The following PIBF1 variants were observed in gnomAD, a reference collection of about 807,000 sequenced individuals.
PIBF1 encodes progesterone immunomodulatory binding factor 1.
A neutral mutation model predicts 112.5 loss-of-function variants in PIBF1; 90 were observed. The observed-to-expected ratio is 0.80, with a 90% CI of 0.67 to 0.95. The LOEUF is 0.95. Among genes scored for constraint, PIBF1 ranks in the 40% least tolerant of loss-of-function variants. PIBF1 has a pLI of 0.00. For missense variants in PIBF1, 915 were observed against 852.3 expected (o/e 1.07, Z -0.92); for synonymous variants, 301 against 288.6 (o/e 1.04, Z -0.44).
chr13:72,883,217 G>C (rs2039712939), intron 10 of PIBF1, among the ~76,000 whole-genome samples: 1 of 152,108 alleles, frequency 6.6e-6, no homozygotes, highest in African/African-American at 2.4e-5. Context: ...ATTATATTAA[G>C]TAAAATAAGC....
chr13:72,807,764 T>G (rs368438617), intron 5 of PIBF1, among the ~76,000 whole-genome samples: 7 of 152,326 alleles, frequency 4.6e-5, no homozygotes, highest in African/African-American at 1.7e-4. Context: ...TCAGCTTATA[T>G]TCCCAAAATT....
intron 13 of PIBF1, among the ~76,000 whole-genome samples, chr13:72,928,014 TAC>T (rs1219922230): frequency 1.7e-4 from 10 of 59,040 alleles, no homozygotes; most frequent in Non-Finnish European, 2.7e-4. Context: ...TACATATATA[TAC>T]ATATATATAC....
At chr13:72,971,550 A>G (rs1346459859) in intron 15 of PIBF1, among the ~76,000 whole-genome samples, 1 of 152,120 alleles carries the variant, frequency 6.6e-6, no homozygotes, top group African/African-American at 2.4e-5. Flanking sequence ...TTTTCAGCTG[A>G]GCTGCTTACC....
intron 9 of PIBF1, among the ~76,000 whole-genome samples, chr13:72,839,010 C>T (rs2037486855): frequency 6.6e-6 from 1 of 152,078 alleles, no homozygotes; most frequent in Admixed American, 6.6e-5. Context: ...CCAAAGAATG[C>T]ATTTGGACCA....
In PIBF1 at chr13:72,904,632, G is replaced by A. The variant is rs943371875; in HGVS notation, c.1489-3899G>A. On this transcript the variant is annotated intron_variant, in intron 11 of 17. Transcript: ENST00000326291. ...ATTTTTGTATTTTTAGTAGAGACAG[G>A]GTTTTGCCGTGTTGGCCATGCTGAT... is the stretch of plus-strand genomic sequence containing the variant. Among the ~76,000 whole-genome samples the A allele has an allele frequency of 1.3e-5, 2 of 150,780 alleles. 1 individual carries two copies. The highest frequency in any genetic ancestry group is 4.2e-4 in the South Asian group (2 of 4,754).
chr13:72,941,638 A>G (rs1354553704), intron 14 of PIBF1, among the ~76,000 whole-genome samples: 1 of 152,224 alleles, frequency 6.6e-6, no homozygotes, highest in Non-Finnish European at 1.5e-5. Context: ...ATGCACAGTC[A>G]TCAGTAACCA....
At chr13:72,982,865 A>G (rs1333917169) in intron 16 of PIBF1, among the ~76,000 whole-genome samples, 3 of 152,318 alleles carry the variant, frequency 2.0e-5, no homozygotes, top group Non-Finnish European at 4.4e-5. Flanking sequence ...TACTACTTTT[A>G]CATACAATTT....
At chr13:72,949,931 T>G (rs2042253640) in intron 14 of PIBF1, among the ~76,000 whole-genome samples, 1 of 152,218 alleles carries the variant, frequency 6.6e-6, no homozygotes, top group Non-Finnish European at 1.5e-5. Context: ...TAAGAATGAT[T>G]ATAAAGGATA....
intron 13 of PIBF1, among the ~76,000 whole-genome samples, chr13:72,922,668 T>TA (rs901402818): frequency 1.2e-4 from 18 of 151,560 alleles, no homozygotes; most frequent in South Asian, 8.3e-4. Flanking sequence ...AACTTCATAA[T>TA]AAAAAAAAAT....
At chr13:72,801,028 A>C (rs1467758374) in intron 5 of PIBF1, among the ~76,000 whole-genome samples, 2 of 152,150 alleles carry the variant, frequency 1.3e-5, no homozygotes, top group Admixed American at 6.5e-5. Flanking sequence ...AGCCAATGCA[A>C]AGGCAGGGGG....
At chr13:72,900,821 A>G (rs573400954) in intron 11 of PIBF1, among the ~76,000 whole-genome samples, 69 of 152,262 alleles carry the variant, frequency 4.5e-4, no homozygotes, top group African/African-American at 1.6e-3. Context: ...TTGGGAGTTC[A>G]AGACCAGCCT....
At chr13:72,792,324 T>C (rs1355155018) in intron 2 of PIBF1, 123 bp from the exon 3 acceptor site, 4 of 636,826 alleles carry the variant, frequency 6.3e-6, no homozygotes, top group Non-Finnish European at 1.1e-5. Context: ...TGAGCCCCTG[T>C]GCCTGGTCCC....
At chr13:72,968,361 C>A (rs368733044) in intron 15 of PIBF1, among the ~76,000 whole-genome samples, 1 of 151,300 alleles carries the variant, frequency 6.6e-6, no homozygotes, top group South Asian at 2.1e-4. Flanking sequence ...AGTGCAATGG[C>A]GCGATCTCGG....
intron 13 of PIBF1, 36 bp from the exon 14 acceptor site, chr13:72,931,129 C>T: frequency 7.6e-7 from 1 of 1,310,950 alleles, no homozygotes; most frequent in Non-Finnish European, 1.1e-6. Context: ...CAGTATTTCA[C>T]TTTTAAGCAT....
intron 5 of PIBF1, among the ~76,000 whole-genome samples, chr13:72,802,212 G>A (rs2035520078): frequency 1.3e-5 from 2 of 152,008 alleles, no homozygotes; most frequent in African/African-American, 4.8e-5. Context: ...ATCGTCCAAG[G>A]GTCAAGTCTA....
chr13:73,007,003 C>CAT lies in PIBF1; in HGVS notation c.2223+8022_2223+8023dup, dbSNP rs369687074. On this transcript the variant is annotated intron_variant, in intron 17 of 17. Coordinates refer to ENST00000326291, the MANE Select transcript of PIBF1 (RefSeq NM_006346.4). ...TTTAAGGTTTTTATTAATTTGTATA[C>CAT]ATATATATATATATAATGTGTATGT... 3.0e-3 allele frequency among the ~76,000 whole-genome samples: 446 copies of CAT among 148,534 alleles called. 1 individual carries two copies. The highest frequency in any genetic ancestry group is 9.0e-3 in the African/African-American group (368 of 40,696).
intron 4 of PIBF1, among the ~76,000 whole-genome samples, chr13:72,796,681 A>T (rs2035217737): frequency 6.7e-6 from 1 of 150,332 alleles, no homozygotes. Flanking sequence ...GCTCAAATAC[A>T]GCTTTTCTGT....
chr13:72,981,464 C>A (rs1480016387), intron 16 of PIBF1, among the ~76,000 whole-genome samples: 2 of 151,882 alleles, frequency 1.3e-5, no homozygotes, highest in African/African-American at 4.8e-5. Context: ...CTTTAGACCA[C>A]CAGTGTTACC....
At chr13:72,995,948 C>CAA (rs35193072) in intron 16 of PIBF1, among the ~76,000 whole-genome samples, 43 of 124,720 alleles carry the variant, frequency 3.4e-4, no homozygotes, top group Non-Finnish European at 4.2e-4. Context: ...GACTCCATCT[C>CAA]AAAAAAAAAA....
Sources: gnomAD v4.1 joint callset for allele counts (sites outside exome capture counted in the v4.1 genomes callset) on GRCh38, gnomAD v4.1.1 for gene constraint, MANE v1.5 for transcripts, NCBI Gene and HGNC (gene_info 2026-07-23, HGNC 2026-07-21) for gene names.